Variants in ASAP1 observed in about 807,000 individuals in gnomAD.
The protein encoded by ASAP1 is ArfGAP with SH3 domain, ankyrin repeat and PH domain 1.
A neutral mutation model predicts 145.2 loss-of-function variants in ASAP1; 43 were observed. That is an observed-to-expected ratio of 0.30 (90% CI 0.23 to 0.38). The LOEUF (loss-of-function observed/expected upper bound fraction) is 0.38. Ranked by LOEUF, ASAP1 falls within the 10% of genes least tolerant of loss-of-function variation. ASAP1 has a pLI of 1.00. For synonymous variants in ASAP1, 546 were observed against 515.5 expected (o/e 1.06, Z -0.80); for missense variants, 1,018 against 1,355.3 (o/e 0.75, Z 3.91).
intron 3 of ASAP1, among the ~76,000 whole-genome samples, chr8:130,288,573 G>C (rs1398797811): frequency 6.6e-6 from 1 of 152,208 alleles, no homozygotes; most frequent in African/African-American, 2.4e-5. Context: ...AAACAAATGT[G>C]TTAATCACCT....
intron 17 of ASAP1, among the ~76,000 whole-genome samples, chr8:130,125,352 G>C (rs1459576496): frequency 2.0e-5 from 3 of 151,990 alleles, no homozygotes; most frequent in Non-Finnish European, 4.4e-5. Flanking sequence ...CTCCAAATCT[G>C]GGTGACTCAT....
At chr8:130,379,239 GC>G (rs1827650833) in intron 2 of ASAP1, among the ~76,000 whole-genome samples, 1 of 152,086 alleles carries the variant, frequency 6.6e-6, no homozygotes, top group African/African-American at 2.4e-5. Context: ...CTGTACCACC[GC>G]CCCCTCCCCC....
At chr8:130,331,629 A>C (rs2137797277) in intron 3 of ASAP1, among the ~76,000 whole-genome samples, 1 of 152,330 alleles carries the variant, frequency 6.6e-6, no homozygotes, top group East Asian at 1.9e-4. Flanking sequence ...TCAGGTTATC[A>C]TGAGAAAAGT....
Position 130,076,419 on chromosome 8 carries a change from T to C in ASAP1, c.2643-13A>G. The C allele has an allele frequency of 1.3e-6, 2 of 1,598,012 alleles. No homozygotes were observed. The highest frequency in any genetic ancestry group is 2.2e-5 in the South Asian group (2 of 88,916). On this transcript the variant is annotated splice_polypyrimidine_tract_variant and intron_variant, in intron 26 of 29. Transcript: ENST00000518721. ...TGCAGAACTGGTGCTAATCAACAAA[T>C]AAGAATCATTTAGGATCTAAAAGTG... is the stretch of plus-strand genomic sequence containing the variant.
chr8:130,215,482 G>A (rs1257011638), intron 4 of ASAP1, among the ~76,000 whole-genome samples: 1 of 151,648 alleles, frequency 6.6e-6, no homozygotes, highest in Non-Finnish European at 1.5e-5. Context: ...GGTGGCTCAC[G>A]CCTATAATCC....
chr8:130,145,936 G>A (rs1474388814), intron 13 of ASAP1, among the ~76,000 whole-genome samples: 1 of 151,464 alleles, frequency 6.6e-6, no homozygotes, highest in Admixed American at 6.6e-5. Flanking sequence ...CTGCCACATG[G>A]GCTTCAGTGA....
chr8:130,443,297 C>G (rs996681529), intron 1 of ASAP1, among the ~76,000 whole-genome samples, 163 bp downstream of exon 1: 1 of 151,796 alleles, frequency 6.6e-6, no homozygotes, highest in East Asian at 1.9e-4. Context: ...GGGCCGGCGC[C>G]CTCCCCGCGG....
intron 3 of ASAP1, among the ~76,000 whole-genome samples, chr8:130,256,492 T>A (rs1819523914): frequency 6.6e-6 from 1 of 151,798 alleles, no homozygotes; most frequent in Non-Finnish European, 1.5e-5. Flanking sequence ...ACAGAGATAA[T>A]CTTGACCTTG....
intron 3 of ASAP1, among the ~76,000 whole-genome samples, chr8:130,282,172 A>G (rs1821293532): frequency 6.6e-6 from 1 of 152,150 alleles, no homozygotes; most frequent in Non-Finnish European, 1.5e-5. Context: ...TTAGAATCCA[A>G]TTTGATTTAA....
rs189789083 is a variant in ASAP1, at chr8:130,253,855, T to C, written c.187-16861A>G. ...GGCCAACATGGTGAAACCCCGTCTCTACTAAAAATATAAAAATTAGCCAGC... is the reference window on the plus strand; with the variant it reads ...GGCCAACATGGTGAAACCCCGTCTCCACTAAAAATATAAAAATTAGCCAGC... On this transcript the variant is annotated intron_variant, in intron 3 of 29. Coordinates refer to ENST00000518721, the MANE Select transcript of ASAP1 (RefSeq NM_018482.4). 8.9e-3 allele frequency among the ~76,000 whole-genome samples: 1,352 copies of C among 152,248 alleles called. 8 individuals carry two copies. The highest frequency in any genetic ancestry group is 0.013 in the Non-Finnish European group (887 of 68,004).
chr8:130,124,493 C>T (rs1228063257), intron 17 of ASAP1, among the ~76,000 whole-genome samples: 4 of 152,184 alleles, frequency 2.6e-5, no homozygotes, highest in African/African-American at 9.7e-5. Context: ...TTTTAATAAA[C>T]AGCAATAGCT....
At chr8:130,103,835 G>A (rs2097532788) in intron 24 of ASAP1, among the ~76,000 whole-genome samples, 1 of 152,082 alleles carries the variant, frequency 6.6e-6, no homozygotes, top group Non-Finnish European at 1.5e-5. Context: ...TTTCTATGTA[G>A]GCATTTATTG....
chr8:130,112,289 G>A lies in ASAP1; in HGVS notation c.2206C>T (p.Pro736Ser). The A allele has an allele frequency of 6.2e-7, 1 of 1,614,222 alleles. No individual in the cohort carries two copies. ...CTGGAGGAGTGGCAGAAGCTCTGAG[G>A]TCTGGGTGAGCGCTCTTTCTTGATA... ...SPIKKERSPR[P>S]QSFCHSSSIS... The change falls in exon 24 of 30, where the codon CCT (proline) becomes TCT (serine). Residue 736 changes from proline to serine, a missense_variant. By Grantham distance (74) the Pro-to-Ser change is moderately conservative. Coordinates refer to ENST00000518721, the MANE Select transcript of ASAP1 (RefSeq NM_018482.4).
At chr8:130,080,478 C>CTCT (rs869286628) in intron 25 of ASAP1, among the ~76,000 whole-genome samples, 10 of 71,190 alleles carry the variant, frequency 1.4e-4, no homozygotes, top group Admixed American at 1.7e-4. Context: ...CATTCTCTCT[C>CTCT]TTTTTTTTTT....
At chr8:130,055,951 C>T (rs942525130) in intron 29 of ASAP1, among the ~76,000 whole-genome samples, 1 of 152,162 alleles carries the variant, frequency 6.6e-6, no homozygotes, top group African/African-American at 2.4e-5. Flanking sequence ...TGTGTGGCAC[C>T]ATCTTTACAT....
intron 7 of ASAP1, 70 bp downstream of exon 7, chr8:130,187,166 T>C (rs960161100): frequency 7.2e-7 from 1 of 1,382,642 alleles, no homozygotes; most frequent in Admixed American, 2.2e-5. Flanking sequence ...GTTAAGTTTT[T>C]TTTTTTGTTG....
intron 13 of ASAP1, among the ~76,000 whole-genome samples, chr8:130,145,218 T>A (rs1208866655): frequency 6.6e-6 from 1 of 152,250 alleles, no homozygotes; most frequent in Non-Finnish European, 1.5e-5. Context: ...CCACTTTACG[T>A]CATGCTATCC....
At chr8:130,286,340 T>C (rs1239349665) in intron 3 of ASAP1, among the ~76,000 whole-genome samples, 1 of 152,370 alleles carries the variant, frequency 6.6e-6, no homozygotes, top group African/African-American at 2.4e-5. Flanking sequence ...CTAGCATTTA[T>C]TTCACTGATG....
At chr8:130,362,054 G>T (rs1449763228) in intron 2 of ASAP1, among the ~76,000 whole-genome samples, 1 of 152,030 alleles carries the variant, frequency 6.6e-6, no homozygotes, top group African/African-American at 2.4e-5. Context: ...TTGTCGCCTT[G>T]AAAAAAAGGC....
Sources: gnomAD v4.1 joint callset for allele counts (sites outside exome capture counted in the v4.1 genomes callset) on GRCh38, gnomAD v4.1.1 for gene constraint, MANE v1.5 for transcripts, NCBI Gene and HGNC (gene_info 2026-07-23, HGNC 2026-07-21) for gene names.